The following MAN1A2 variants were observed in gnomAD, a reference collection of about 807,000 sequenced individuals.
MAN1A2 encodes mannosidase alpha class 1A member 2, also known as mannosyl-oligosaccharide 1,2-alpha-mannosidase IB.
A neutral mutation model predicts 75.7 loss-of-function variants in MAN1A2; 26 were observed. The ratio of observed to expected loss-of-function variants is 0.34; its 90% CI spans 0.25 to 0.48. The LOEUF is 0.48. MAN1A2 is among the 20% of genes least tolerant of loss of function. MAN1A2 has a pLI of 0.99. For synonymous variants in MAN1A2, 247 were observed against 264.6 expected, an observed-to-expected ratio of 0.93 and a Z score of 0.65; for missense variants, 562 against 775.5, an observed-to-expected ratio of 0.72 and a Z score of 3.27.
intron 3 of MAN1A2, among the ~76,000 whole-genome samples, chr1:117,414,414 AAATT>A (rs1647921813): frequency 1.3e-5 from 2 of 151,562 alleles, no homozygotes; most frequent in South Asian, 4.1e-4. Flanking sequence ...ACGAGGCAGA[AAATT>A]AAGGAAAAGT....
intron 1 of MAN1A2, among the ~76,000 whole-genome samples, chr1:117,401,256 C>A (rs1647416845): frequency 1.3e-5 from 2 of 149,832 alleles, no homozygotes; most frequent in Admixed American, 1.3e-4. Context: ...TTTAAAAAAA[C>A]ACAAACTTTT....
intron 8 of MAN1A2, 21 bp downstream of exon 8, chr1:117,466,448 G>C (rs1649986152): frequency 6.9e-7 from 1 of 1,448,534 alleles, no homozygotes; most frequent in Admixed American, 2.2e-5. Context: ...TAGTATACCT[G>C]AGGCTTTCTT....
chr1:117,507,968 T>G (rs573652178), intron 12 of MAN1A2, among the ~76,000 whole-genome samples: 112 of 151,846 alleles, frequency 7.4e-4, no homozygotes, highest in African/African-American at 2.7e-3. Context: ...ACACCAAGAC[T>G]CCTAGGAGCG....
chr1:117,426,726 C>G (rs1648387803), intron 5 of MAN1A2, among the ~76,000 whole-genome samples: 2 of 152,164 alleles, frequency 1.3e-5, no homozygotes, highest in Admixed American at 1.3e-4. Flanking sequence ...TTATTGCTTT[C>G]ATACCATTGT....
chr1:117,503,072 G>A (rs1651250927), intron 12 of MAN1A2, 102 bp downstream of exon 12: 2 of 579,012 alleles, frequency 3.5e-6, no homozygotes, highest in Non-Finnish European at 5.8e-6. Context: ...ACTAAATTTT[G>A]TTGTAAATAT....
At chr1:117,458,511 AGATATATATATAT>A (rs1391557637) in intron 6 of MAN1A2, among the ~76,000 whole-genome samples, 1 of 90,042 alleles carries the variant, frequency 1.1e-5, no homozygotes, top group South Asian at 4.3e-4. Context: ...ATATATATAT[AGATATATATATAT>A]TTTTTTTTTT....
chr1:117,436,205 T>G (rs913398556), intron 5 of MAN1A2, among the ~76,000 whole-genome samples: 1 of 152,202 alleles, frequency 6.6e-6, no homozygotes, highest in Non-Finnish European at 1.5e-5. Flanking sequence ...AAAAGAATAC[T>G]CTGTAGGAAT....
At chr1:117,474,265 A>G (rs1018987842) in intron 8 of MAN1A2, among the ~76,000 whole-genome samples, 2 of 151,996 alleles carry the variant, frequency 1.3e-5, no homozygotes, top group Admixed American at 1.3e-4. Flanking sequence ...CAACCCAGCC[A>G]CCTACTTTTC....
chr1:117,499,162 A>G (rs1651124832), intron 10 of MAN1A2, among the ~76,000 whole-genome samples: 1 of 151,984 alleles, frequency 6.6e-6, no homozygotes, highest in African/African-American at 2.4e-5. Flanking sequence ...ATTCTGAGAA[A>G]CATTTTATGT....
chr1:117,523,284 C>G lies in MAN1A2; in HGVS notation c.*327C>G, dbSNP rs1651920111. 1 of 501,492 alleles carries G rather than the reference C, an allele frequency of 2.0e-6. No individual in the cohort carries two copies. Among genetic ancestry groups the G allele is most frequent in the Admixed American group, 2.3e-5 (1 of 43,380 alleles). The allele number at this position is 501,492 out of a possible 1,614,324, so 31.1% of individuals were successfully genotyped here. ...GTCTGGAGGCTAGACTTCCTGAAAG[C>G]AAGTCAAGAATATAGAGCACCTTGC... On this transcript the variant is annotated 3_prime_UTR_variant, in exon 13 of 13. Coordinates refer to ENST00000356554, the MANE Select transcript of MAN1A2 (RefSeq NM_006699.5).
At chr1:117,492,451 A>G (rs1209159890) in intron 8 of MAN1A2, among the ~76,000 whole-genome samples, 1 of 152,148 alleles carries the variant, frequency 6.6e-6, no homozygotes, top group Non-Finnish European at 1.5e-5. Flanking sequence ...AGTGCTGTCA[A>G]CACAACTTTT....
intron 12 of MAN1A2, among the ~76,000 whole-genome samples, chr1:117,514,459 A>G (rs1651650278): frequency 6.6e-6 from 1 of 151,816 alleles, no homozygotes; most frequent in African/African-American, 2.4e-5. Flanking sequence ...ATTGGTACTG[A>G]TGTTATTGTC....
chr1:117,404,132 T>C (rs989476919), intron 2 of MAN1A2, among the ~76,000 whole-genome samples: 1 of 152,224 alleles, frequency 6.6e-6, no homozygotes, highest in Admixed American at 6.5e-5. Flanking sequence ...TTTGTCGTGG[T>C]ATGGTATCTG....
At chr1:117,396,805 A>G (rs1557933307) in intron 1 of MAN1A2, among the ~76,000 whole-genome samples, 1 of 152,188 alleles carries the variant, frequency 6.6e-6, no homozygotes, top group East Asian at 1.9e-4. Context: ...ATAGAACATT[A>G]CTTTTTACTT....
intron 8 of MAN1A2, among the ~76,000 whole-genome samples, chr1:117,475,973 T>A (rs1165215403): frequency 6.6e-6 from 1 of 152,324 alleles, no homozygotes; most frequent in East Asian, 1.9e-4. Context: ...TAATTTACAC[T>A]TCCACCAACA....
rs544184041 is a variant in MAN1A2, at chr1:117,499,646, T to G, written c.1677+92T>G. On this transcript the variant is annotated intron_variant, in intron 11 of 12. Coordinates refer to ENST00000356554, the MANE Select transcript of MAN1A2 (RefSeq NM_006699.5). ...ACCCTCACCCATGTTACCTCATTTT[T>G]AGTATCTGTAGGGCAGTTTTTATTT... 67 of 967,770 alleles carry G rather than the reference T, an allele frequency of 6.9e-5. No homozygotes were observed. The African/African-American group carries it at 9.0e-4, about 13-fold the overall frequency. 59.9% of individuals were successfully genotyped at this position (967,770 alleles called of 1,614,324 possible).
intron 7 of MAN1A2, among the ~76,000 whole-genome samples, chr1:117,466,002 T>C (rs746838499): frequency 3.9e-4 from 59 of 152,190 alleles, no homozygotes; most frequent in Non-Finnish European, 3.1e-4. Context: ...GTGTTGACTG[T>C]GTCTAGAATG....
At chr1:117,417,534 A>AAAATATATATATATAT (rs1648034294) in intron 4 of MAN1A2, among the ~76,000 whole-genome samples, 1 of 89,218 alleles carries the variant, frequency 1.1e-5, no homozygotes, top group African/African-American at 4.5e-5. Context: ...CTTGAGTTTA[A>AAAATATATATATATAT]ATATATATAT....
intron 1 of MAN1A2, among the ~76,000 whole-genome samples, chr1:117,397,645 C>CTT (rs34594031): frequency 0.11 from 11,342 of 105,740 alleles, 690 homozygotes; most frequent in Non-Finnish European, 0.13. Flanking sequence ...TTATAACCCC[C>CTT]TTTTTTTTTT....
Sources: allele counts gnomAD v4.1 joint callset (sites outside exome capture counted in the v4.1 genomes callset), GRCh38; gene constraint gnomAD v4.1.1; transcripts MANE v1.5; gene names NCBI Gene and HGNC (gene_info 2026-07-23, HGNC 2026-07-21).